The following SYT17 variants were observed in gnomAD, a reference collection of about 807,000 sequenced individuals.
SYT17 encodes synaptotagmin-17.
Under a neutral mutation model 46.7 loss-of-function variants are expected in SYT17, and 22 were observed. That is an observed-to-expected ratio of 0.47 (90% CI 0.34 to 0.67). The LOEUF (loss-of-function observed/expected upper bound fraction) is 0.67. SYT17 is among the 30% of genes least tolerant of loss of function. The pLI is 0.01. For missense variants in SYT17, 519 were observed against 612.8 expected (o/e 0.85, Z 1.62); for synonymous variants, 251 against 248.4 (o/e 1.01, Z -0.10).
intron 7 of SYT17, among the ~76,000 whole-genome samples, chr16:19,240,768 G>A (rs937971174): frequency 6.6e-6 from 1 of 152,178 alleles, no homozygotes; most frequent in African/African-American, 2.4e-5. Flanking sequence ...TGTTCATGCC[G>A]AGAGGCACCT....
At chr16:19,201,801 T>C (rs552456146) in intron 5 of SYT17, among the ~76,000 whole-genome samples, 1 of 152,258 alleles carries the variant, frequency 6.6e-6, no homozygotes, top group African/African-American at 2.4e-5. Context: ...ACTGACACGT[T>C]CATTCATTCA....
intron 1 of SYT17, among the ~76,000 whole-genome samples, chr16:19,169,204 C>G (rs1963988690): frequency 6.6e-6 from 1 of 152,118 alleles, no homozygotes. Flanking sequence ...GAGCCTGTTA[C>G]TTTACTCCGC....
intron 5 of SYT17, among the ~76,000 whole-genome samples, chr16:19,222,083 T>C (rs1344921871): frequency 9.2e-5 from 14 of 152,146 alleles, no homozygotes; most frequent in Admixed American, 9.2e-4. Context: ...AATGTCCTCA[T>C]CAGTTAAAGA....
intron 5 of SYT17, among the ~76,000 whole-genome samples, chr16:19,198,496 A>G (rs1045310492): frequency 1.3e-5 from 2 of 152,220 alleles, no homozygotes; most frequent in African/African-American, 4.8e-5. Context: ...AGTACTTACC[A>G]TGGATCAATT....
chr16:19,185,182 CTCCCCTCT>C (rs1487928155), intron 5 of SYT17, among the ~76,000 whole-genome samples: 1 of 152,086 alleles, frequency 6.6e-6, no homozygotes, highest in Non-Finnish European at 1.5e-5. Flanking sequence ...CCCTCCCCTC[CTCCCCTCT>C]TCCCTTCCTT....
chr16:19,185,353 G>A (rs766071653), intron 5 of SYT17, among the ~76,000 whole-genome samples: 3 of 152,232 alleles, frequency 2.0e-5, no homozygotes, highest in Non-Finnish European at 4.4e-5. Flanking sequence ...TTGGGAGGCT[G>A]AGGCAGGAGA....
At chr16:19,194,387 C>CAG (rs1244205741) in intron 5 of SYT17, among the ~76,000 whole-genome samples, 1 of 152,186 alleles carries the variant, frequency 6.6e-6, no homozygotes, top group African/African-American at 2.4e-5. Flanking sequence ...TCACAAATCA[C>CAG]AGAGAGAGAT....
At chr16:19,232,864 A>AAACT (rs1966754173) in intron 7 of SYT17, among the ~76,000 whole-genome samples, 1 of 147,494 alleles carries the variant, frequency 6.8e-6, no homozygotes. Flanking sequence ...ACAAACAAAC[A>AAACT]AACTCTCTAG....
intron 5 of SYT17, among the ~76,000 whole-genome samples, chr16:19,202,264 C>A (rs1012410813): frequency 3.3e-5 from 5 of 152,180 alleles, no homozygotes; most frequent in Non-Finnish European, 5.9e-5. Context: ...GTTCCCACGA[C>A]CCCCTCCTCA....
chr16:19,218,415 G>A (rs924137999), intron 5 of SYT17, among the ~76,000 whole-genome samples: 1 of 152,218 alleles, frequency 6.6e-6, no homozygotes, highest in Non-Finnish European at 1.5e-5. Flanking sequence ...CCCTGGAAAA[G>A]TACAACCTGA....
intron 5 of SYT17, among the ~76,000 whole-genome samples, chr16:19,214,349 A>G (rs1312962702): frequency 6.6e-6 from 1 of 151,758 alleles, no homozygotes; most frequent in Non-Finnish European, 1.5e-5. Flanking sequence ...TTTGTTTTAA[A>G]TTAGAGACCA....
At chr16:19,215,985 A>G (rs1407806542) in intron 5 of SYT17, among the ~76,000 whole-genome samples, 3 of 152,204 alleles carry the variant, frequency 2.0e-5, no homozygotes, top group African/African-American at 4.8e-5. Context: ...CTTATTCACT[A>G]TCACGGGAAC....
At chr16:19,225,098 C>T (rs757701291) in intron 7 of SYT17, among the ~76,000 whole-genome samples, 2 of 152,178 alleles carry the variant, frequency 1.3e-5, no homozygotes, top group Non-Finnish European at 1.5e-5. Context: ...AGTTACTTAA[C>T]TCCTCTGAGC....
At chr16:19,246,821 C>T (rs995248240) in intron 7 of SYT17, among the ~76,000 whole-genome samples, 4 of 152,198 alleles carry the variant, frequency 2.6e-5, no homozygotes, top group African/African-American at 9.7e-5. Context: ...CCAGGCACTG[C>T]GGCTATGACA....
intron 5 of SYT17, among the ~76,000 whole-genome samples, chr16:19,214,717 G>C (rs1966027195): frequency 6.6e-6 from 1 of 152,066 alleles, no homozygotes; most frequent in Admixed American, 6.6e-5. Context: ...GCTGGGTTAG[G>C]ATAAGGCTCT....
chr16:19,169,605 C>T (rs1164482530), intron 1 of SYT17, among the ~76,000 whole-genome samples: 1 of 152,224 alleles, frequency 6.6e-6, no homozygotes, highest in African/African-American at 2.4e-5. Context: ...CTCATCGTGT[C>T]CTCAGACGCT....
chr16:19,240,182 G>A (rs191105853), intron 7 of SYT17, among the ~76,000 whole-genome samples: 140 of 152,328 alleles, frequency 9.2e-4, no homozygotes, highest in African/African-American at 3.1e-3. Context: ...AACAAGGGGC[G>A]TGTTTCAGCC....
rs117806040 is a variant in SYT17, at chr16:19,202,181, C to T, written c.951+18034C>T. 3.1e-4 allele frequency among the ~76,000 whole-genome samples: 47 copies of T among 152,198 alleles called. 1 individual carries two copies. The East Asian group carries it at 8.3e-3, about 27-fold the overall frequency. ...AAGATCTCAGTCCCATAAGATTGCC[C>T]CTGCTTCAGATACCAGTCAAAAGCC... is the stretch of plus-strand genomic sequence containing the variant. On this transcript the variant is annotated intron_variant, in intron 5 of 7. Transcript: ENST00000355377.
At chr16:19,219,933 A>T (rs754696782) in intron 5 of SYT17, among the ~76,000 whole-genome samples, 57 of 152,214 alleles carry the variant, frequency 3.7e-4, no homozygotes, top group Non-Finnish European at 7.1e-4. Context: ...AGCAAAGTCC[A>T]GGAGGACCTG....
Sources: allele counts gnomAD v4.1 joint callset (sites outside exome capture counted in the v4.1 genomes callset), GRCh38; gene constraint gnomAD v4.1.1; transcripts MANE v1.5; gene names NCBI Gene and HGNC (gene_info 2026-07-23, HGNC 2026-07-21).